Variants in SLCO1B3 observed in about 807,000 individuals in gnomAD.
SLCO1B3 encodes liver-specific organic anion transporter 2.
SLCO1B3 carries 72 observed loss-of-function variants against 71.8 expected under a neutral mutation model. The ratio of observed to expected loss-of-function variants is 1.00; its 90% CI spans 0.83 to 1.22. SLCO1B3 has a LOEUF of 1.22. Among genes scored for constraint, SLCO1B3 ranks in the 50% most tolerant of loss-of-function variants. The pLI, the probability that SLCO1B3 is intolerant of heterozygous loss-of-function variation, is 0.00. For missense variants in SLCO1B3, 911 were observed against 819.7 expected (o/e 1.11, Z -1.36); for synonymous variants, 298 against 278.4 (o/e 1.07, Z -0.70).
In SLCO1B3 at chr12:20,856,079, CTTG is replaced by C. The variant is rs1396316560; in HGVS notation, c.226+913_226+915del. Among the ~76,000 whole-genome samples, 56 of 152,168 alleles carry C rather than the reference CTTG, an allele frequency of 3.7e-4. 1 individual carries two copies. The highest frequency in any genetic ancestry group is 5.9e-5 in the Non-Finnish European group (4 of 68,030). ...GATATGACACTCTACATGTCCTTCA[CTTG>C]TTTACCTCCCAGGCTCAATGAAATC... On this transcript the variant is annotated intron_variant, in intron 4 of 15. Coordinates refer to ENST00000381545, the MANE Select transcript of SLCO1B3 (RefSeq NM_019844.4).
At chr12:20,883,759 C>A (rs1362923041) in intron 13 of SLCO1B3, among the ~76,000 whole-genome samples, 157 bp downstream of exon 13, 1 of 151,804 alleles carries the variant, frequency 6.6e-6, no homozygotes, top group African/African-American at 2.4e-5. Context: ...ATTTCAATAA[C>A]ATCATTAATA....
At chr12:20,856,126 G>A (rs1206720258) in intron 4 of SLCO1B3, among the ~76,000 whole-genome samples, 1 of 152,064 alleles carries the variant, frequency 6.6e-6, no homozygotes. Context: ...TTTTAGAATT[G>A]GAATGTTATT....
intron 3 of SLCO1B3, among the ~76,000 whole-genome samples, chr12:20,842,853 T>C (rs1445367979): frequency 6.6e-6 from 1 of 152,026 alleles, no homozygotes; most frequent in African/African-American, 2.4e-5. Flanking sequence ...GGTAAAGACT[T>C]CGAGAAGTGA....
At chr12:20,820,423 C>A (rs370929281) in intron 3 of SLCO1B3, among the ~76,000 whole-genome samples, 1 of 152,080 alleles carries the variant, frequency 6.6e-6, no homozygotes, top group Non-Finnish European at 1.5e-5. Context: ...TCCTGGGCTG[C>A]GGGCATTACT....
At chr12:20,865,432 A>G (rs1865353502) in intron 8 of SLCO1B3, among the ~76,000 whole-genome samples, 1 of 152,086 alleles carries the variant, frequency 6.6e-6, no homozygotes, top group Non-Finnish European at 1.5e-5. Flanking sequence ...TAAGTTTGCT[A>G]CAAACTTCTA....
chr12:20,895,730 T>A (rs919420399), intron 13 of SLCO1B3, among the ~76,000 whole-genome samples: 1 of 152,164 alleles, frequency 6.6e-6, no homozygotes, highest in African/African-American at 2.4e-5. Flanking sequence ...GACCCTCTTC[T>A]CACAGCCCCA....
chr12:20,845,722 A>T (rs912487513), intron 3 of SLCO1B3, among the ~76,000 whole-genome samples: 2 of 152,170 alleles, frequency 1.3e-5, no homozygotes, highest in Admixed American at 1.3e-4. Context: ...GTTCTGTAAT[A>T]TCTGTTAGGC....
intron 3 of SLCO1B3, among the ~76,000 whole-genome samples, chr12:20,835,395 C>T (rs774684116): frequency 6.6e-6 from 1 of 152,110 alleles, no homozygotes; most frequent in Non-Finnish European, 1.5e-5. Flanking sequence ...TTTTTCTTTC[C>T]TACTGCATTG....
intron 6 of SLCO1B3, 140 bp downstream of exon 6, chr12:20,861,278 T>C (rs566683281): frequency 2.8e-6 from 2 of 714,692 alleles, no homozygotes; most frequent in African/African-American, 3.7e-5. Flanking sequence ...GACAAAATCA[T>C]ACTGTTAATG....
At chr12:20,820,162 C>T (rs1309469594) in intron 3 of SLCO1B3, among the ~76,000 whole-genome samples, 2 of 151,974 alleles carry the variant, frequency 1.3e-5, no homozygotes, top group Non-Finnish European at 2.9e-5. Context: ...GAGTGGGTAG[C>T]CTCCATATTG....
chr12:20,896,821 C>T (rs7307054), intron 13 of SLCO1B3, among the ~76,000 whole-genome samples: 2,177 of 152,166 alleles, frequency 0.014, 50 homozygotes, highest in African/African-American at 0.05. Context: ...GGGCGATTTA[C>T]AAAAGAAAGA....
intron 14 of SLCO1B3, among the ~76,000 whole-genome samples, chr12:20,899,576 A>G (rs897914376): frequency 2.0e-5 from 3 of 152,218 alleles, no homozygotes; most frequent in Non-Finnish European, 2.9e-5. Flanking sequence ...AAGATGCTGC[A>G]GGGTTGCATT....
At chr12:20,834,093 TATATA>T (rs1261991562) in intron 3 of SLCO1B3, among the ~76,000 whole-genome samples, 2 of 145,646 alleles carry the variant, frequency 1.4e-5, no homozygotes, top group East Asian at 2.0e-4. Flanking sequence ...TATATACACA[TATATA>T]ATATATAAAT....
chr12:20,870,767 T>C (rs1865460112), intron 8 of SLCO1B3, among the ~76,000 whole-genome samples: 1 of 152,140 alleles, frequency 6.6e-6, no homozygotes. Context: ...ACCATCACCT[T>C]TGTTCTTTCT....
chr12:20,887,254 T>C (rs1370700395), intron 13 of SLCO1B3, among the ~76,000 whole-genome samples: 1 of 152,054 alleles, frequency 6.6e-6, no homozygotes, highest in African/African-American at 2.4e-5. Context: ...ATTGCTGGAT[T>C]AAATGGTAGT....
chr12:20,821,499 G>A (rs375730173), intron 3 of SLCO1B3, among the ~76,000 whole-genome samples: 128 of 152,276 alleles, frequency 8.4e-4, no homozygotes, highest in African/African-American at 3.0e-3. Flanking sequence ...AAAGAGTAGA[G>A]ACACGGAGAA....
At chr12:20,839,973 G>C (rs1864761670) in intron 3 of SLCO1B3, among the ~76,000 whole-genome samples, 1 of 152,090 alleles carries the variant, frequency 6.6e-6, no homozygotes, top group South Asian at 2.1e-4. Flanking sequence ...ACTTATTTCT[G>C]CTACAATATT....
chr12:20,863,253 C>T (rs368978582), intron 8 of SLCO1B3, among the ~76,000 whole-genome samples: 2 of 151,852 alleles, frequency 1.3e-5, no homozygotes, highest in East Asian at 1.9e-4. Context: ...CATTGACTTA[C>T]GGCAGGGGTG....
intron 15 of SLCO1B3, among the ~76,000 whole-genome samples, chr12:20,913,333 A>G (rs568992839): frequency 1.2e-4 from 18 of 152,228 alleles, no homozygotes; most frequent in Non-Finnish European, 2.2e-4. Context: ...AATTGGTTTC[A>G]TTATACAATA....
Sources: gnomAD v4.1 joint callset for allele counts (sites outside exome capture counted in the v4.1 genomes callset) on GRCh38, gnomAD v4.1.1 for gene constraint, MANE v1.5 for transcripts, NCBI Gene and HGNC (gene_info 2026-07-23, HGNC 2026-07-21) for gene names.